Variants in PREX1 observed in about 807,000 individuals in gnomAD.
PREX1 encodes the protein phosphatidylinositol 3,4,5-trisphosphate-dependent Rac exchanger 1 protein.
Under a neutral mutation model 198.3 loss-of-function variants are expected in PREX1, and 41 were observed. The ratio of observed to expected loss-of-function variants is 0.21; its 90% CI spans 0.16 to 0.27. The LOEUF (loss-of-function observed/expected upper bound fraction) is 0.27. Ranked by LOEUF, PREX1 falls within the 10% of genes least tolerant of loss-of-function variation. The pLI, the probability that PREX1 is intolerant of heterozygous loss-of-function variation, is 1.00. For synonymous variants in PREX1, 843 were observed against 887.2 expected, an observed-to-expected ratio of 0.95 and a Z score of 0.89; for missense variants, 1,620 against 2,200.7, an observed-to-expected ratio of 0.74 and a Z score of 5.28.
chr20:48,828,130 C>T (rs1351978927), upstream of PREX1, among the ~76,000 whole-genome samples: 1 of 149,740 alleles, frequency 6.7e-6, no homozygotes, highest in Non-Finnish European at 1.5e-5. Context: ...TGCCAAGTGC[C>T]ACGCCGCGCT....
At chr20:48,756,002 G>A (rs1285446491) in intron 1 of PREX1, among the ~76,000 whole-genome samples, 1 of 152,166 alleles carries the variant, frequency 6.6e-6, no homozygotes, top group African/African-American at 2.4e-5. Context: ...AGGACCCCTG[G>A]CTTCTGTCTT....
intron 35 of PREX1, among the ~76,000 whole-genome samples, chr20:48,631,236 C>T (rs6063297): frequency 0.081 from 12,344 of 152,226 alleles, 573 homozygotes; most frequent in South Asian, 0.15. Context: ...AAGTCTCGAT[C>T]GCGGCCACTC....
At chr20:48,653,954 C>T (rs1037074872) in intron 19 of PREX1, among the ~76,000 whole-genome samples, 17 of 152,238 alleles carry the variant, frequency 1.1e-4, no homozygotes, top group East Asian at 7.7e-4. Context: ...ATCCCCAAAC[C>T]GTAGGTCTTG....
intron 1 of PREX1, among the ~76,000 whole-genome samples, chr20:48,770,320 C>T (rs527963053): frequency 6.6e-6 from 1 of 152,288 alleles, no homozygotes; most frequent in South Asian, 2.1e-4. Flanking sequence ...CCCTGAAGGG[C>T]TCCAGGAGGT....
chr20:48,697,454 C>T (rs1161341452), intron 7 of PREX1, among the ~76,000 whole-genome samples: 1 of 151,418 alleles, frequency 6.6e-6, no homozygotes, highest in Non-Finnish European at 1.5e-5. Flanking sequence ...CACCTCAGCT[C>T]ACTGCAACCT....
intron 7 of PREX1, among the ~76,000 whole-genome samples, chr20:48,698,222 C>G (rs1190121140): frequency 6.6e-6 from 1 of 152,150 alleles, no homozygotes; most frequent in Non-Finnish European, 1.5e-5. Context: ...CCCCAGGGAG[C>G]CCACTTGGAA....
chr20:48,650,923 T>C lies in PREX1; in HGVS notation c.2788A>G (p.Ile930Val). 3.1e-6 allele frequency: 5 copies of C among 1,614,180 alleles called. No individual in the cohort carries two copies. Among genetic ancestry groups the C allele is most frequent in the South Asian group, 2.2e-5 (2 of 91,078 alleles). The part of the protein sequence containing the change: ...RNICDTKLES[I>V]GQRIACYQEF... ...TGGTAGCAGGCAATCCTCTGGCCAA[T>C]GCTCTCCAGCTTGGTGTCACAGATG... Residue 930 changes from isoleucine to valine, a missense_variant, in exon 23 of 40, where the codon ATT becomes GTT. Ile to Val is a conservative substitution (Grantham distance 29, BLOSUM62 3). Transcript: ENST00000371941.
At chr20:48,786,481 C>T (rs1327608552) in intron 1 of PREX1, among the ~76,000 whole-genome samples, 3 of 152,036 alleles carry the variant, frequency 2.0e-5, no homozygotes, top group Non-Finnish European at 4.4e-5. Flanking sequence ...CGGTGGCTCA[C>T]GCCTATAATC....
chr20:48,727,899 T>C lies in PREX1; in HGVS notation c.520-1508A>G, dbSNP rs117237764. ...CTTCAGAGAGGCTCCAACTTAAGAA[T>C]CCATTTTTGTTTGGCAGGAACCATG... is the stretch of plus-strand genomic sequence containing the variant. On this transcript the variant is annotated intron_variant, in intron 4 of 39. Coordinates refer to ENST00000371941, the MANE Select transcript of PREX1 (RefSeq NM_020820.4). Among the ~76,000 whole-genome samples the C allele has an allele frequency of 5.5e-4, 84 of 152,220 alleles. No homozygotes were observed. In the East Asian group the frequency reaches 0.016, roughly 29 times the overall value.
intron 29 of PREX1, 186 bp downstream of exon 29, chr20:48,641,982 C>T: frequency 3.7e-6 from 2 of 543,138 alleles, no homozygotes; most frequent in Non-Finnish European, 6.6e-6. Flanking sequence ...AAGAACCATT[C>T]TTGGCTCAGA....
chr20:48,789,646 C>T (rs970229221), intron 1 of PREX1, among the ~76,000 whole-genome samples: 2 of 152,044 alleles, frequency 1.3e-5, no homozygotes, highest in Non-Finnish European at 2.9e-5. Flanking sequence ...CATATCAAAA[C>T]CATTATTTCA....
At chr20:48,813,108 C>T (rs2090443796) in intron 1 of PREX1, among the ~76,000 whole-genome samples, 1 of 152,254 alleles carries the variant, frequency 6.6e-6, no homozygotes, top group African/African-American at 2.4e-5. Context: ...GCCCAGATGT[C>T]GGCCTGCCCT....
intron 3 of PREX1, among the ~76,000 whole-genome samples, chr20:48,734,948 C>G (rs772877466): frequency 3.9e-5 from 6 of 152,208 alleles, no homozygotes; most frequent in Non-Finnish European, 7.3e-5. Context: ...CTCTGTATTT[C>G]CTGTGAACCT....
At chr20:48,660,707 G>GT (rs1435325308) in intron 15 of PREX1, among the ~76,000 whole-genome samples, 1 of 152,148 alleles carries the variant, frequency 6.6e-6, no homozygotes, top group Non-Finnish European at 1.5e-5. Flanking sequence ...AGATGTGAAG[G>GT]TAACTATAGT....
chr20:48,724,322 G>A (rs374807103), intron 5 of PREX1, among the ~76,000 whole-genome samples: 2 of 152,190 alleles, frequency 1.3e-5, no homozygotes, highest in African/African-American at 2.4e-5. Context: ...CTGAGTTGCC[G>A]TTAGAACTAA....
At chr20:48,859,112 G>A in the PREX1 span, among the ~76,000 whole-genome samples, 5 of 151,884 alleles carry the variant, frequency 3.3e-5, no homozygotes, top group Non-Finnish European at 7.4e-5. Context: ...TGTTGCCCAG[G>A]CTGATTTTGA....
At chr20:48,814,048 T>A (rs1192894280) in intron 1 of PREX1, among the ~76,000 whole-genome samples, 1 of 152,056 alleles carries the variant, frequency 6.6e-6, no homozygotes, top group Non-Finnish European at 1.5e-5. Flanking sequence ...AACTTTCCAA[T>A]CCCTTTGCCC....
In PREX1 at chr20:48,649,433, C is replaced by G; in HGVS notation, c.3172G>C (p.Gly1058Arg). The change falls in exon 25 of 40, where the codon GGT becomes CGT. Residue 1058 changes from glycine to arginine, a missense_variant. Physicochemically the swap from Gly to Arg is moderately radical, Grantham distance 125. Transcript: ENST00000371941. ...GSFGPASGTL[G>R]QEDRGLSFLL... ...AAGCTGAGGCCCCGGTCTTCCTGAC[C>G]AAGGGTCCCACTGGCTGGCCCGAAG... 1 of 1,614,184 alleles carries G rather than the reference C, an allele frequency of 6.2e-7. No homozygotes were observed. The highest frequency in any genetic ancestry group is 2.2e-5 in the East Asian group (1 of 44,880).
chr20:48,735,130 G>A (rs2090051254), intron 3 of PREX1, among the ~76,000 whole-genome samples: 1 of 152,190 alleles, frequency 6.6e-6, no homozygotes, highest in African/African-American at 2.4e-5. Flanking sequence ...TGGGTCACTA[G>A]GTCCAGAACC....
Sources: allele counts gnomAD v4.1 joint callset (sites outside exome capture counted in the v4.1 genomes callset), GRCh38; gene constraint gnomAD v4.1.1; transcripts MANE v1.5; gene names NCBI Gene and HGNC (gene_info 2026-07-23, HGNC 2026-07-21).